The following UBE3B variants were observed in gnomAD, a reference collection of about 807,000 sequenced individuals.
UBE3B encodes the protein ubiquitin-protein ligase E3B.
A neutral mutation model predicts 132.3 loss-of-function variants in UBE3B; 80 were observed. That is an observed-to-expected ratio of 0.60 (90% CI 0.50 to 0.73). The LOEUF is 0.73. Ranked by LOEUF, UBE3B falls within the 30% of genes least tolerant of loss-of-function variation. The probability of loss-of-function intolerance (pLI) is 0.00; values close to 1 mark genes in which losing one functional copy is unlikely to be tolerated. For missense variants in UBE3B, 1,196 were observed against 1,362.5 expected, an observed-to-expected ratio of 0.88 and a Z score of 1.92; for synonymous variants, 487 against 520.4, an observed-to-expected ratio of 0.94 and a Z score of 0.87.
chr12:109,528,732 A>G (rs1882633132), intron 24 of UBE3B, among the ~76,000 whole-genome samples: 1 of 152,096 alleles, frequency 6.6e-6, no homozygotes, highest in African/African-American at 2.4e-5. Flanking sequence ...CAGGCGCTGT[A>G]ATGTCAGCTC....
At chr12:109,526,264 A>G (rs1417128842) in intron 23 of UBE3B, 94 bp from the exon 24 acceptor site, 4 of 1,249,106 alleles carry the variant, frequency 3.2e-6, no homozygotes, top group African/African-American at 1.5e-5. Flanking sequence ...TTCCATCATT[A>G]TCATGGATGT....
chr12:109,503,640 A>C (rs1879282027), intron 14 of UBE3B, among the ~76,000 whole-genome samples: 1 of 152,224 alleles, frequency 6.6e-6, no homozygotes, highest in African/African-American at 2.4e-5. Flanking sequence ...CATGTCACAA[A>C]TTCTTCGAAA....
intron 9 of UBE3B, chr12:109,491,602 C>CTTCCTTCTTCAGTTTCCA (rs1397421139): frequency 6.5e-6 from 1 of 153,228 alleles, no homozygotes; most frequent in Non-Finnish European, 1.5e-5. Flanking sequence ...ACTGAAGAAG[C>CTTCCTTCTTCAGTTTCCA]TAAGTTAATT....
chr12:109,499,851 C>T (rs1447285657), intron 12 of UBE3B, 41 bp downstream of exon 12: 34 of 1,480,140 alleles, frequency 2.3e-5, no homozygotes, highest in Non-Finnish European at 3.0e-5. Context: ...CTGCCTCTCT[C>T]CCACCATCTT....
chr12:109,509,018 T>C (rs1236662808), intron 15 of UBE3B: 2 of 152,580 alleles, frequency 1.3e-5, no homozygotes, highest in African/African-American at 4.8e-5. Flanking sequence ...CAGATCCTTA[T>C]GAATAAGAAA....
At chr12:109,493,201 C>T (rs1042104335) in intron 9 of UBE3B, among the ~76,000 whole-genome samples, 1 of 152,240 alleles carries the variant, frequency 6.6e-6, no homozygotes, top group African/African-American at 2.4e-5. Flanking sequence ...AACAGATTCA[C>T]TGCAACTGTC....
At chr12:109,515,542 T>TATTTTTAGTAG (rs1343841883) in intron 18 of UBE3B, among the ~76,000 whole-genome samples, 2 of 152,128 alleles carry the variant, frequency 1.3e-5, no homozygotes, top group African/African-American at 4.8e-5. Flanking sequence ...GCTAATTCTA[T>TATTTTTAGTAG]ATTTTTAGTA....
chr12:109,509,211 A>G (rs1880050001), intron 15 of UBE3B: 1 of 153,230 alleles, frequency 6.5e-6, no homozygotes, highest in African/African-American at 2.4e-5. Context: ...TCTCTCCCAC[A>G]TTATTTTGAA....
chr12:109,527,466 G>C (rs182657703), intron 24 of UBE3B, among the ~76,000 whole-genome samples: 9 of 152,300 alleles, frequency 5.9e-5, no homozygotes, highest in Admixed American at 2.0e-4. Context: ...AGTCCCACCT[G>C]GTGAGTCATT....
intron 2 of UBE3B, 21 bp downstream of exon 2, chr12:109,481,763 T>G (rs1258025788): frequency 6.6e-6 from 1 of 152,242 alleles, no homozygotes; most frequent in Non-Finnish European, 1.5e-5. Context: ...CAGACTTTAC[T>G]GCTGGGGCAG....
Position 109,524,492 on chromosome 12 carries a change from G to T in UBE3B, c.2557G>T (p.Val853Phe), listed in dbSNP as rs374684265. ...CCTGACGCTGTCTTACGACGAGGAC[G>T]TCATGGGTCAGGTAGGTCCGCCCTT... Reference protein sequence around the residue: ...LGLTLSYDEDVMGQLVCHELI... With the variant: ...LGLTLSYDEDFMGQLVCHELI... The change falls in exon 23 of 28, where the codon GTC (valine) becomes TTC (phenylalanine). Residue 853 changes from valine to phenylalanine, a missense_variant. Transcript: ENST00000342494. 3 of 1,614,118 alleles carry T rather than the reference G, an allele frequency of 1.9e-6. No individual in the cohort carries two copies. The highest frequency in any genetic ancestry group is 8.5e-7 in the Non-Finnish European group (1 of 1,180,000).
chr12:109,494,696 G>T (rs1316860863), intron 9 of UBE3B, among the ~76,000 whole-genome samples: 2 of 152,218 alleles, frequency 1.3e-5, no homozygotes, highest in African/African-American at 2.4e-5. Context: ...TCGGTAATAA[G>T]AAATTGAGGG....
At chr12:109,500,668 C>T (rs1030684259) in intron 12 of UBE3B, among the ~76,000 whole-genome samples, 3 of 152,212 alleles carry the variant, frequency 2.0e-5, no homozygotes, top group African/African-American at 2.4e-5. Context: ...ACAGCCTGCT[C>T]TCCGCTCCAC....
intron 9 of UBE3B, among the ~76,000 whole-genome samples, chr12:109,494,234 T>C (rs553476521): frequency 6.6e-6 from 1 of 152,288 alleles, no homozygotes; most frequent in African/African-American, 2.4e-5. Flanking sequence ...CCAGGCTATT[T>C]AACTCCAGAA....
chr12:109,516,833 T>C lies in UBE3B; in HGVS notation c.2025T>C (p.Ser675=). 1.2e-6 allele frequency: 2 copies of C among 1,614,156 alleles called. No homozygotes were observed. The highest frequency in any genetic ancestry group is 1.7e-6 in the Non-Finnish European group (2 of 1,180,028). ...AACTGGGGCTGGTGGAAACCAGCTC[T>C]GCCTCCCCGCATGTCACTCACATCA... The part of the protein sequence containing the change: ...KEKLGLVETS[S]ASPHVTHITI... The change falls in exon 19 of 28, where the codon TCT becomes TCC. Residue 675 remains serine, a synonymous_variant. Coordinates refer to ENST00000342494, the MANE Select transcript of UBE3B (RefSeq NM_130466.4).
At chr12:109,490,579 G>A in intron 8 of UBE3B, 1 of 1,535,978 alleles carries the variant, frequency 6.5e-7, no homozygotes, top group Non-Finnish European at 8.7e-7. Context: ...GGTATGACTG[G>A]CAGTTGTCTC....
In UBE3B at chr12:109,485,867, TG is replaced by T. The variant is rs1876346134; in HGVS notation, c.283-144del. The T allele has an allele frequency of 3.6e-6, 3 of 823,996 alleles. No homozygotes were observed. The African/African-American group carries it at 5.2e-5, about 14-fold the overall frequency. The allele number at this position is 823,996 out of a possible 1,614,324, so 51.0% of individuals were successfully genotyped here. ...CTTTATGATCTTCAGTGTCCTCATC[TG>T]TAGGAAGGAACTGCATGTGATTATG... On this transcript the variant is annotated intron_variant, in intron 4 of 27. Transcript: ENST00000342494.
In UBE3B at chr12:109,533,537, C is replaced by T. The variant is rs1000450619; in HGVS notation, c.2994C>T (p.Cys998=). The change falls in exon 27 of 28, where the codon TGC becomes TGT. Residue 998 remains cysteine, a synonymous_variant. Transcript: ENST00000342494. ...TCAAGCCTCCATTCTCCATCCGCTG[C>T]GTGGAGGTGTCGGACGATCAGGTAC... ...AYLKPPFSIR[C]VEVSDDQDTG... 2.5e-6 allele frequency: 4 copies of T among 1,613,682 alleles called. No homozygotes were observed. Among genetic ancestry groups the T allele is most frequent in the Non-Finnish European group, 3.4e-6 (4 of 1,179,978 alleles).
intron 27 of UBE3B, chr12:109,533,932 ACTC>A (rs1566119008): frequency 7.6e-7 from 1 of 1,317,924 alleles, no homozygotes; most frequent in Admixed American, 2.3e-5. Context: ...CTCGAATGCT[ACTC>A]CTACCCCAGC....
Sources: gnomAD v4.1 joint callset for allele counts (sites outside exome capture counted in the v4.1 genomes callset) on GRCh38, gnomAD v4.1.1 for gene constraint, MANE v1.5 for transcripts, NCBI Gene and HGNC (gene_info 2026-07-23, HGNC 2026-07-21) for gene names.